ADAMTS2: variants seen among roughly 807,000 people sequenced by gnomAD.
ADAMTS2 encodes ADAM metallopeptidase with thrombospondin type 1 motif 2, also known as A disintegrin and metalloproteinase with thrombospondin motifs 2.
Under a neutral mutation model 123.0 loss-of-function variants are expected in ADAMTS2, and 50 were observed. The observed-to-expected ratio is 0.41, with a 90% confidence interval of 0.32 to 0.51. The LOEUF is 0.51. Among genes scored for constraint, ADAMTS2 ranks in the 20% least tolerant of loss-of-function variants. ADAMTS2 has a pLI of 0.35. For missense variants in ADAMTS2, 1,494 were observed against 1,705.2 expected, an observed-to-expected ratio of 0.88 and a Z score of 2.18; for synonymous variants, 678 against 695.4, an observed-to-expected ratio of 0.98 and a Z score of 0.39.
chr5:179,132,627 C>A lies in ADAMTS2; in HGVS notation c.2209+150G>T. On this transcript the variant is annotated intron_variant, in intron 14 of 21. Transcript: ENST00000251582. The surrounding 1 kb of genome is among the most constrained non-coding windows in gnomAD (Gnocchi z 6.1). Reference sequence around the variant, plus strand: ...CTGGGGCTGTCCCCGACTTAGGATTCTCCCTCCCCCTCAGTGTCACAGACC... The same window carrying A: ...CTGGGGCTGTCCCCGACTTAGGATTATCCCTCCCCCTCAGTGTCACAGACC... 1 of 834,740 alleles carries A rather than the reference C, an allele frequency of 1.2e-6. No individual in the cohort carries two copies. The highest frequency in any genetic ancestry group is 1.8e-6 in the Non-Finnish European group (1 of 561,904). 51.7% of individuals were successfully genotyped at this position (834,740 alleles called of 1,614,324 possible).
chr5:179,148,351 G>T (rs1763290115), intron 10 of ADAMTS2, among the ~76,000 whole-genome samples: 1 of 152,140 alleles, frequency 6.6e-6, no homozygotes, highest in Non-Finnish European at 1.5e-5. Context: ...GCTCACAGCT[G>T]AGTTCTTCTC....
chr5:179,310,131 C>T (rs62395027), intron 2 of ADAMTS2, among the ~76,000 whole-genome samples: 6,265 of 152,354 alleles, frequency 0.041, 177 homozygotes, highest in South Asian at 0.068. Context: ...CCCCGGACTA[C>T]GCCTGCCCAG....
chr5:179,322,916 G>A (rs982698034), intron 2 of ADAMTS2, among the ~76,000 whole-genome samples: 7 of 152,336 alleles, frequency 4.6e-5, no homozygotes, highest in Non-Finnish European at 7.3e-5. Flanking sequence ...GGGAGTGGAC[G>A]CTCTCCTCCT....
At chr5:179,240,796 G>A (rs758498936) in intron 3 of ADAMTS2, among the ~76,000 whole-genome samples, 4 of 152,172 alleles carry the variant, frequency 2.6e-5, no homozygotes, top group Admixed American at 6.5e-5. Context: ...CCTGATACGC[G>A]ATGCCAATAG....
chr5:179,239,890 C>T (rs1338827604), intron 3 of ADAMTS2, among the ~76,000 whole-genome samples: 2 of 152,082 alleles, frequency 1.3e-5, no homozygotes, highest in Non-Finnish European at 2.9e-5. Context: ...TAGCCTGCCA[C>T]GTGCTAGGGA....
chr5:179,165,069 C>G (rs1295366882), intron 5 of ADAMTS2, among the ~76,000 whole-genome samples: 2 of 152,242 alleles, frequency 1.3e-5, no homozygotes, highest in Non-Finnish European at 2.9e-5. Flanking sequence ...AAGAGCCAAG[C>G]TCAGGTCTCT....
At chr5:179,340,927 A>C (rs1242061835) in intron 2 of ADAMTS2, among the ~76,000 whole-genome samples, 1 of 152,216 alleles carries the variant, frequency 6.6e-6, no homozygotes, top group Non-Finnish European at 1.5e-5. Flanking sequence ...GTGAGGCACA[A>C]CACCACTCTG....
At chr5:179,291,271 G>A (rs557141878) in intron 2 of ADAMTS2, among the ~76,000 whole-genome samples, 12 of 152,204 alleles carry the variant, frequency 7.9e-5, no homozygotes, top group African/African-American at 1.4e-4. Flanking sequence ...GGCCACCTCC[G>A]GGCTCTGGTG....
chr5:179,255,095 A>C (rs542411921), intron 3 of ADAMTS2, among the ~76,000 whole-genome samples: 3 of 152,152 alleles, frequency 2.0e-5, no homozygotes, highest in African/African-American at 4.8e-5. Flanking sequence ...GAGTAAGTAG[A>C]TGAATGGAGA....
rs892151567 is a variant in ADAMTS2, at chr5:179,260,747, T to A, written c.688+12164A>T. On this transcript the variant is annotated intron_variant, in intron 3 of 21. Coordinates refer to ENST00000251582, the MANE Select transcript of ADAMTS2 (RefSeq NM_014244.5). The surrounding 1 kb of genome is among the most constrained non-coding windows in gnomAD (Gnocchi z 4.2). Reference sequence around the variant, plus strand: ...AGCACCAACCCACCGTGGGGCTCATTACAAGAATCCTAGGAGATGATGTAC... The same window carrying A: ...AGCACCAACCCACCGTGGGGCTCATAACAAGAATCCTAGGAGATGATGTAC... Among the ~76,000 whole-genome samples the A allele has an allele frequency of 2.0e-5, 3 of 152,190 alleles. No homozygotes were observed. Among genetic ancestry groups the A allele is most frequent in the African/African-American group, 7.2e-5 (3 of 41,436 alleles).
intron 2 of ADAMTS2, among the ~76,000 whole-genome samples, chr5:179,322,841 C>G (rs1371865060): frequency 6.6e-6 from 1 of 152,218 alleles, no homozygotes; most frequent in Non-Finnish European, 1.5e-5. Flanking sequence ...CTCTCACACA[C>G]AAGCTGGCGC....
chr5:179,326,201 C>CGTGTGTGTGT lies in ADAMTS2; in HGVS notation c.534+17556_534+17565dup, dbSNP rs60626964. 4.6e-3 allele frequency among the ~76,000 whole-genome samples: 682 copies of CGTGTGTGTGT among 148,694 alleles called. 10 individuals are homozygous for CGTGTGTGTGT. The highest frequency in any genetic ancestry group is 9.8e-3 in the South Asian group (45 of 4,604). ...GGTGGAGAAATGGCGTTTGTGTGTG[C>CGTGTGTGTGT]GTGTGTGTGTGTGTGTGTGTGTGTG... On this transcript the variant is annotated intron_variant, in intron 2 of 21. Coordinates refer to ENST00000251582, the MANE Select transcript of ADAMTS2 (RefSeq NM_014244.5).
intron 3 of ADAMTS2, among the ~76,000 whole-genome samples, chr5:179,252,555 TA>T (rs1050590872): frequency 1.7e-4 from 26 of 152,166 alleles, no homozygotes; most frequent in Admixed American, 5.2e-4. Flanking sequence ...GTATTTTTTT[TA>T]AATTTCCAAA....
At chr5:179,131,013 G>A (rs1336548152) in intron 15 of ADAMTS2, among the ~76,000 whole-genome samples, 5 of 152,022 alleles carry the variant, frequency 3.3e-5, no homozygotes, top group African/African-American at 2.4e-5. Flanking sequence ...GGTAGCAGTC[G>A]AAAGTTTCCT....
At chr5:179,139,807 T>G (rs1425093394) in intron 11 of ADAMTS2, 83 bp downstream of exon 11, 1 of 1,592,148 alleles carries the variant, frequency 6.3e-7, no homozygotes, top group African/African-American at 1.3e-5. Context: ...CACAGGGCCC[T>G]CCAGGACAGG....
rs1034247577 is a variant in ADAMTS2, at chr5:179,317,818, T to C, written c.534+25949A>G. ...CCAGCTGGGGAGAGTGGAGCAGACG[T>C]ACAGGATGGAGGGTAGAGGTGGGGC... is the stretch of plus-strand genomic sequence containing the variant. On this transcript the variant is annotated intron_variant, in intron 2 of 21. Coordinates refer to ENST00000251582, the MANE Select transcript of ADAMTS2 (RefSeq NM_014244.5). The surrounding 1 kb of genome is among the most constrained non-coding windows in gnomAD (Gnocchi z 4.9). Among the ~76,000 whole-genome samples, 2 of 151,940 alleles carry C rather than the reference T, an allele frequency of 1.3e-5. No individual in the cohort carries two copies. Among genetic ancestry groups the C allele is most frequent in the African/African-American group, 2.4e-5 (1 of 41,392 alleles).
At chr5:179,255,177 GGATA>G (rs1561640738) in intron 3 of ADAMTS2, among the ~76,000 whole-genome samples, 1 of 152,124 alleles carries the variant, frequency 6.6e-6, no homozygotes, top group African/African-American at 2.4e-5. Flanking sequence ...ATGAATGAAT[GGATA>G]AATGATTGGA....
At chr5:179,258,265 A>C (rs6601024) in intron 3 of ADAMTS2, among the ~76,000 whole-genome samples, 18 of 145,166 alleles carry the variant, frequency 1.2e-4, no homozygotes, top group African/African-American at 4.8e-4. Flanking sequence ...TGACCCCCCC[A>C]GACCGCCCCC....
chr5:179,127,027 T>C (rs542013637), intron 17 of ADAMTS2, among the ~76,000 whole-genome samples: 1 of 152,328 alleles, frequency 6.6e-6, no homozygotes, highest in South Asian at 2.1e-4. Flanking sequence ...AGAATTTTGT[T>C]TTTTATCCTA....
Sources: gnomAD v4.1 joint callset for allele counts (sites outside exome capture counted in the v4.1 genomes callset) on GRCh38, gnomAD v4.1.1 for gene constraint, Gnocchi (gnomAD v3.1) non-coding constraint, MANE v1.5 for transcripts, NCBI Gene and HGNC (gene_info 2026-07-23, HGNC 2026-07-21) for gene names.